CHAT: variants seen among roughly 807,000 people sequenced by gnomAD.
CHAT encodes acetyl CoA:choline O-acetyltransferase.
Under a neutral mutation model 76.9 loss-of-function variants are expected in CHAT, and 61 were observed. The ratio of observed to expected loss-of-function variants is 0.79; its 90% CI spans 0.65 to 0.98. The LOEUF (loss-of-function observed/expected upper bound fraction) is 0.98. CHAT is among the 50% of genes least tolerant of loss of function. The pLI, the probability that CHAT is intolerant of heterozygous loss-of-function variation, is 0.00. For synonymous variants in CHAT, 407 were observed against 397.4 expected, an observed-to-expected ratio of 1.02 and a Z score of -0.29; for missense variants, 946 against 986.9, an observed-to-expected ratio of 0.96 and a Z score of 0.56.
chr10:49,653,801 G>A (rs531380006), intron 11 of CHAT, among the ~76,000 whole-genome samples: 1 of 152,360 alleles, frequency 6.6e-6, no homozygotes, highest in East Asian at 1.9e-4. Flanking sequence ...CCAGAGCCTC[G>A]ACTGGGGATG....
At chr10:49,640,121 C>T (rs934355183) in intron 7 of CHAT, among the ~76,000 whole-genome samples, 3 of 151,470 alleles carry the variant, frequency 2.0e-5, no homozygotes, top group African/African-American at 4.8e-5. Flanking sequence ...GTTAAAATTG[C>T]TTGTTGAGGC....
At chr10:49,621,984 A>T in intron 4 of CHAT, 113 bp from the exon 5 acceptor site, 2 of 1,192,186 alleles carry the variant, frequency 1.7e-6, no homozygotes, top group Non-Finnish European at 2.5e-6. Flanking sequence ...GAAGGGAGGG[A>T]AGAGGAAGGA....
upstream of CHAT, chr10:49,611,345 A>ATAAGTACCC: frequency 6.2e-7 from 1 of 1,601,958 alleles, no homozygotes; most frequent in Non-Finnish European, 8.5e-7. Context: ...ATGATCGCCG[A>ATAAGTACCC]TAAGTACCCG....
At chr10:49,610,952 C>T (rs2132685916), upstream of CHAT, 1 of 1,610,754 alleles carries the variant, frequency 6.2e-7, no homozygotes, top group African/African-American at 1.3e-5. Flanking sequence ...GGCGAGGGCC[C>T]CACCCGGACT....
rs142889639 is a variant in CHAT at position 49,649,533 on chromosome 10, C to A, written c.1408C>A (p.Arg470=). The A allele has an allele frequency of 5.3e-5, 86 of 1,613,832 alleles. No individual in the cohort carries two copies. The South Asian group carries it at 9.0e-4, about 17-fold the overall frequency. Residue 470 remains arginine (R), a synonymous_variant, in exon 10 of 15, where the codon CGA becomes AGA. Transcript: ENST00000337653. ...GACGCAGAGCAGCAGGAAGCTGATC[C>A]GAGCAGACTCCGTCAGCGAGCTCCC... ...HVTQSSRKLI[R]ADSVSELPAP...
upstream of CHAT, chr10:49,611,530 A>C: frequency 4.4e-6 from 7 of 1,602,698 alleles, no homozygotes; most frequent in Non-Finnish European, 5.9e-6. Context: ...GGCAGTGGCC[A>C]AACCCTTCTC....
At chr10:49,649,690 T>G (rs1839807477) in intron 10 of CHAT, 54 bp downstream of exon 10, 1 of 1,603,614 alleles carries the variant, frequency 6.2e-7, no homozygotes. Context: ...ACCCCGCCCT[T>G]GCCTACTAGC....
At chr10:49,611,225 T>C, upstream of CHAT, 7 of 1,613,946 alleles carry the variant, frequency 4.3e-6, no homozygotes, top group Non-Finnish European at 5.1e-6. Context: ...CTGGGCGTCA[T>C]GTTCGCCTCT....
At position 49,615,924 on chromosome 10, in the gene CHAT, C is replaced by G. The variant is rs926821805; in HGVS notation, c.287-578C>G. On this transcript the variant is annotated intron_variant, in intron 1 of 14. Coordinates refer to ENST00000337653, the MANE Select transcript of CHAT (RefSeq NM_020549.5). ...GCCCAGAGTCTCCCTGCCCTGGCCA[C>G]AGGCCAGGCTCCCAATTAGCCCAGA... is the stretch of plus-strand genomic sequence containing the variant. 3.9e-6 allele frequency: 4 copies of G among 1,036,454 alleles called. No individual in the cohort carries two copies. In the African/African-American group the frequency reaches 4.7e-5, roughly 12 times the overall value. 64.2% of individuals were successfully genotyped at this position (1,036,454 alleles called of 1,614,324 possible).
At chr10:49,612,434 T>C, upstream of CHAT, 1 of 1,235,560 alleles carries the variant, frequency 8.1e-7, no homozygotes, top group Non-Finnish European at 1.1e-6. Flanking sequence ...GCCCACCTCC[T>C]CCAGCGAGTA....
At chr10:49,616,076 A>G in intron 1 of CHAT, 1 of 1,613,734 alleles carries the variant, frequency 6.2e-7, no homozygotes, top group Non-Finnish European at 8.5e-7. Flanking sequence ...GCAGAGATGA[A>G]GCACTGAGCA....
intron 1 of CHAT, among the ~76,000 whole-genome samples, chr10:49,615,461 A>G (rs1043133924): frequency 6.6e-6 from 1 of 152,130 alleles, no homozygotes; most frequent in Non-Finnish European, 1.5e-5. Context: ...GGCCTGGTTC[A>G]TCCATCTTTC....
chr10:49,638,497 A>G (rs1409969866), intron 7 of CHAT, among the ~76,000 whole-genome samples: 2 of 152,052 alleles, frequency 1.3e-5, no homozygotes, highest in Non-Finnish European at 2.9e-5. Context: ...TCTGTTTTTC[A>G]ATTATTGTTC....
At chr10:49,615,193 A>T (rs1343309777) in intron 1 of CHAT, among the ~76,000 whole-genome samples, 1 of 151,844 alleles carries the variant, frequency 6.6e-6, no homozygotes, top group Non-Finnish European at 1.5e-5. Flanking sequence ...GAGCAAAAGG[A>T]GGCATTGGCT....
intron 2 of CHAT, among the ~76,000 whole-genome samples, chr10:49,617,788 C>T (rs561834509): frequency 4.4e-4 from 67 of 152,292 alleles, no homozygotes; most frequent in South Asian, 2.1e-3. Flanking sequence ...GTTGGGGGCC[C>T]AGACCTGGCT....
chr10:49,613,047 C>G (rs913792747), upstream of CHAT: 1 of 152,284 alleles, frequency 6.6e-6, no homozygotes, highest in African/African-American at 2.4e-5. Context: ...TTTGAGGACA[C>G]GCCCCACACC....
At chr10:49,611,354 C>G (rs1007821771), upstream of CHAT, 8 of 1,600,544 alleles carry the variant, frequency 5.0e-6, no homozygotes, top group Non-Finnish European at 3.4e-6. Context: ...GATAAGTACC[C>G]GGAGGAGCCG....
intron 13 of CHAT, 89 bp downstream of exon 13, chr10:49,655,537 G>T: frequency 8.1e-7 from 1 of 1,229,320 alleles, no homozygotes. Context: ...GACCCTGTGT[G>T]AGGGCCCAGC....
intron 8 of CHAT, among the ~76,000 whole-genome samples, chr10:49,647,647 TATC>T (rs1839715723): frequency 1.3e-5 from 2 of 152,238 alleles, no homozygotes; most frequent in South Asian, 4.1e-4. Context: ...GCTAATGGCT[TATC>T]ATCTTTCATG....
Sources: gnomAD v4.1 joint callset for allele counts (sites outside exome capture counted in the v4.1 genomes callset) on GRCh38, gnomAD v4.1.1 for gene constraint, MANE v1.5 for transcripts, NCBI Gene and HGNC (gene_info 2026-07-23, HGNC 2026-07-21) for gene names.